SVIL: variants seen among roughly 807,000 people sequenced by gnomAD.
The protein encoded by SVIL is supervillin.
Under a neutral mutation model 240.4 loss-of-function variants are expected in SVIL, and 101 were observed. That is an observed-to-expected ratio of 0.42 (90% confidence interval 0.36 to 0.50). The LOEUF is 0.50. Ranked by LOEUF, SVIL falls within the 20% of genes least tolerant of loss-of-function variation. The probability of loss-of-function intolerance (pLI) is 0.01; values close to 1 mark genes in which losing one functional copy is unlikely to be tolerated. For synonymous variants in SVIL, 999 were observed against 1,100.0 expected (o/e 0.91, Z 1.82); for missense variants, 2,512 against 2,818.7 (o/e 0.89, Z 2.46).
chr10:29,711,355 G>A lies in SVIL; in HGVS notation c.-400+24396C>T, dbSNP rs567226914. Among the ~76,000 whole-genome samples, 24 of 152,286 alleles carry A rather than the reference G, an allele frequency of 1.6e-4. No homozygotes were observed. In the South Asian group the frequency reaches 2.1e-3, roughly 13 times the overall value. On this transcript the variant is annotated intron_variant, in intron 1 of 35. Transcript: ENST00000375400. ...GTGGAAATTGTACTGTGGTGAGATC[G>A]TGCCACTGCACTCCAGCCTGGGTGA... is the stretch of plus-strand genomic sequence containing the variant.
At chr10:29,532,459 T>C in intron 8 of SVIL, 70 bp downstream of exon 8, 3 of 1,536,636 alleles carry the variant, frequency 2.0e-6, no homozygotes, top group South Asian at 2.6e-5. Context: ...ACAACACAGG[T>C]CGAGGAGTGA....
chr10:29,495,746 G>T (rs781423249), intron 18 of SVIL, among the ~76,000 whole-genome samples: 5 of 152,216 alleles, frequency 3.3e-5, no homozygotes, highest in Non-Finnish European at 7.3e-5. Flanking sequence ...CGTGTGGGCA[G>T]AAACAGGAAA....
In SVIL at chr10:29,735,269, C is replaced by A. The variant is rs1470906495; in HGVS notation, c.-400+482G>T. ...GGGACCCCGGGCTGGGGCGCGGGAG[C>A]CACCGCAGCTCCGGCCACTTGCGGC... On this transcript the variant is annotated intron_variant, in intron 1 of 35. Transcript: ENST00000375400. This position sits in a 1 kb window ranked among gnomAD's most constrained non-coding sequence, Gnocchi z 4.1. 6.6e-6 allele frequency among the ~76,000 whole-genome samples: 1 copy of A among 152,082 alleles called. No individual in the cohort carries two copies. The highest frequency in any genetic ancestry group is 2.4e-5 in the African/African-American group (1 of 41,414).
At chr10:29,618,133 G>A (rs928632740) in intron 1 of SVIL, among the ~76,000 whole-genome samples, 1 of 152,158 alleles carries the variant, frequency 6.6e-6, no homozygotes, top group Non-Finnish European at 1.5e-5. Flanking sequence ...TGGGGAGGCG[G>A]GCTAATCCTG....
chr10:29,532,125 C>A lies in SVIL; in HGVS notation c.1886G>T (p.Gly629Val). Reference protein sequence around the residue: ...RSAEGPGLPTGVERERGSRKP... With the variant: ...RSAEGPGLPTVVERERGSRKP... ...CCGGGACCCTCTCTCCCGTTCCACA[C>A]CGGTGGGCAAGCCAGGTCCTTCAGC... The change falls in exon 9 of 38, where the codon GGT becomes GTT. Residue 629 changes from glycine to valine, a missense_variant. By Grantham distance (109) the Gly-to-Val change is moderately radical. Around this residue, in one of 3 missense-constraint regions of SVIL, gnomAD observed 1,443 missense variants for 1,486.6 expected, o/e 0.97. Coordinates refer to ENST00000355867, the MANE Select transcript of SVIL (RefSeq NM_021738.3). 1 of 1,614,034 alleles carries A rather than the reference C, an allele frequency of 6.2e-7. No individual in the cohort carries two copies. Among genetic ancestry groups the A allele is most frequent in the Non-Finnish European group, 8.5e-7 (1 of 1,179,888 alleles).
intron 1 of SVIL, among the ~76,000 whole-genome samples, chr10:29,733,742 G>A (rs757873462): frequency 2.1e-4 from 32 of 152,208 alleles, no homozygotes; most frequent in Non-Finnish European, 4.3e-4. Flanking sequence ...CCTCATCAGC[G>A]TGCCTGGCTG....
chr10:29,571,438 G>T (rs1385423652), intron 1 of SVIL, among the ~76,000 whole-genome samples: 1 of 152,188 alleles, frequency 6.6e-6, no homozygotes, highest in East Asian at 1.9e-4. Flanking sequence ...AACCTACAGA[G>T]ACCCTCGTGT....
rs1364870444 is a variant in SVIL, at chr10:29,606,464, CTA to C, written c.-201+27954_-201+27955del. Among the ~76,000 whole-genome samples the C allele has an allele frequency of 8.5e-5, 13 of 152,314 alleles. No individual in the cohort carries two copies. In the East Asian group the frequency reaches 2.3e-3, roughly 27 times the overall value. ...CAAGGTTTTGTTATACTTCTTTCTT[CTA>C]TCTCTTCTCTCTCTCTGACTCTGTC... On this transcript the variant is annotated intron_variant, in intron 1 of 37. Coordinates refer to ENST00000355867, the MANE Select transcript of SVIL (RefSeq NM_021738.3).
Position 29,555,093 on chromosome 10 carries a change from TGTC to T in SVIL, c.-38_-36del. The stretch of plus-strand genomic sequence containing the variant: ...TTCTTTCTTCTTTGGTTCAAAGATT[TGTC>T]TTAATTCTGCAACTGGAAGAAAACC... On this transcript the variant is annotated 5_prime_UTR_variant, in exon 4 of 38. Coordinates refer to ENST00000355867, the MANE Select transcript of SVIL (RefSeq NM_021738.3). 6.2e-7 allele frequency: 1 copy of T among 1,611,070 alleles called. No individual in the cohort carries two copies. The highest frequency in any genetic ancestry group is 1.1e-5 in the South Asian group (1 of 90,722).
At chr10:29,572,928 C>A (rs1955511629) in intron 1 of SVIL, among the ~76,000 whole-genome samples, 1 of 152,086 alleles carries the variant, frequency 6.6e-6, no homozygotes, top group Admixed American at 6.5e-5. Context: ...GAAAATTACT[C>A]TTCCTGTAGA....
intron 1 of SVIL, among the ~76,000 whole-genome samples, chr10:29,687,212 G>C (rs924714945): frequency 2.0e-5 from 3 of 152,188 alleles, no homozygotes; most frequent in Non-Finnish European, 1.5e-5. Context: ...ATTCCGCACT[G>C]ATAATGTCAA....
intron 1 of SVIL, among the ~76,000 whole-genome samples, chr10:29,693,283 G>A (rs2132619498): frequency 6.8e-6 from 1 of 146,514 alleles, no homozygotes; most frequent in African/African-American, 2.6e-5. Context: ...GACACTATAG[G>A]ACCTCTGTTT....
At chr10:29,729,874 C>T (rs1381337275) in intron 1 of SVIL, among the ~76,000 whole-genome samples, 2 of 135,808 alleles carry the variant, frequency 1.5e-5, no homozygotes, top group Admixed American at 1.5e-4. Context: ...GGCAATTGCT[C>T]TTGAGAGACA....
chr10:29,592,240 A>C (rs1167203750), intron 1 of SVIL, among the ~76,000 whole-genome samples: 1 of 152,212 alleles, frequency 6.6e-6, no homozygotes, highest in Non-Finnish European at 1.5e-5. Context: ...CAACAGAGTG[A>C]GACTCTTTCT....
At chr10:29,716,878 A>G (rs1963642071) in intron 1 of SVIL, among the ~76,000 whole-genome samples, 1 of 152,330 alleles carries the variant, frequency 6.6e-6, no homozygotes, top group East Asian at 1.9e-4. Flanking sequence ...AGTTAACTAC[A>G]ATGCAGGATT....
intron 3 of SVIL, among the ~76,000 whole-genome samples, chr10:29,556,493 G>T (rs1431475289): frequency 1.3e-5 from 2 of 152,130 alleles, no homozygotes; most frequent in African/African-American, 4.8e-5. Flanking sequence ...TGTGTTCAGG[G>T]ATAGAAGCCT....
intron 16 of SVIL, 64 bp from the exon 17 acceptor site, chr10:29,512,925 T>C: frequency 6.4e-7 from 1 of 1,571,110 alleles, no homozygotes; most frequent in Non-Finnish European, 8.6e-7. Context: ...GATGGAACCA[T>C]AATCTAGGTA....
chr10:29,550,099 T>G (rs1236686234), intron 6 of SVIL, among the ~76,000 whole-genome samples: 1 of 137,158 alleles, frequency 7.3e-6, no homozygotes. Context: ...AAAAAGAACA[T>G]GAGGCTTCCT....
intron 1 of SVIL, among the ~76,000 whole-genome samples, chr10:29,592,581 G>A (rs553491438): frequency 1.2e-4 from 18 of 152,310 alleles, no homozygotes; most frequent in Admixed American, 2.6e-4. Flanking sequence ...GGTGTCCATC[G>A]TTGCATGGAC....
Sources: gnomAD v4.1 joint callset for allele counts (sites outside exome capture counted in the v4.1 genomes callset) on GRCh38, gnomAD v4.1.1 for gene constraint, gnomAD v4.1.1 regional missense constraint, Gnocchi (gnomAD v3.1) non-coding constraint, MANE v1.5 for transcripts, NCBI Gene and HGNC (gene_info 2026-07-23, HGNC 2026-07-21) for gene names.